Variants in AGBL4 observed in about 807,000 individuals in gnomAD.
AGBL4 encodes AGBL carboxypeptidase 4.
Under a neutral mutation model 66.4 loss-of-function variants are expected in AGBL4, and 58 were observed. That is an observed-to-expected ratio of 0.87 (90% CI 0.71 to 1.09). The LOEUF is 1.09. Ranked by LOEUF, AGBL4 falls within the 50% of genes least tolerant of loss-of-function variation. The pLI, the probability that AGBL4 is intolerant of heterozygous loss-of-function variation, is 0.00. For missense variants in AGBL4, 579 were observed against 631.0 expected (o/e 0.92, Z 0.88); for synonymous variants, 234 against 222.9 (o/e 1.05, Z -0.44).
At chr1:49,398,008 G>A (rs1031299798) in intron 3 of AGBL4, among the ~76,000 whole-genome samples, 5 of 152,292 alleles carry the variant, frequency 3.3e-5, no homozygotes, top group East Asian at 1.9e-4. Flanking sequence ...TCTCATTAAA[G>A]TACTTTGTTT....
At chr1:48,945,834 CTG>C (rs1656455198) in intron 5 of AGBL4, among the ~76,000 whole-genome samples, 1 of 152,148 alleles carries the variant, frequency 6.6e-6, no homozygotes, top group Non-Finnish European at 1.5e-5. Context: ...CATTAATTAG[CTG>C]TGTGATCATG....
chr1:49,735,309 GT>G (rs1558203506), intron 2 of AGBL4, among the ~76,000 whole-genome samples: 4 of 150,574 alleles, frequency 2.7e-5, no homozygotes, highest in African/African-American at 7.3e-5. Context: ...GTGTGTGTGT[GT>G]GTGTGTGTGT....
chr1:48,593,770 TA>T (rs1451992508), intron 9 of AGBL4, among the ~76,000 whole-genome samples: 1 of 151,902 alleles, frequency 6.6e-6, no homozygotes, highest in Non-Finnish European at 1.5e-5. Context: ...AATAAATAAA[TA>T]AAATAAAATA....
intron 2 of AGBL4, among the ~76,000 whole-genome samples, chr1:49,817,033 T>C (rs1361701871): frequency 2.0e-5 from 3 of 152,142 alleles, no homozygotes; most frequent in Non-Finnish European, 4.4e-5. Flanking sequence ...TTAGAGAATC[T>C]CTCCTACCCA....
intron 5 of AGBL4, among the ~76,000 whole-genome samples, chr1:48,986,439 C>T (rs1660181758): frequency 1.3e-5 from 2 of 151,748 alleles, no homozygotes; most frequent in Admixed American, 6.6e-5. Context: ...ATGTTACATA[C>T]CGAGAAACAA....
At chr1:49,576,268 G>A (rs1452783302) in intron 3 of AGBL4, among the ~76,000 whole-genome samples, 1 of 152,150 alleles carries the variant, frequency 6.6e-6, no homozygotes, top group Non-Finnish European at 1.5e-5. Flanking sequence ...GTTTTAAGTG[G>A]GGTCCAGAAC....
In AGBL4 at chr1:49,851,642, C is replaced by A. The variant is rs1385693444; in HGVS notation, c.35-124G>T. 4 of 946,498 alleles carry A rather than the reference C, an allele frequency of 4.2e-6. No individual in the cohort carries two copies. In the East Asian group the frequency reaches 8.3e-5, roughly 20 times the overall value. The allele number at this position is 946,498 out of a possible 1,614,324, so 58.6% of individuals were successfully genotyped here. On this transcript the variant is annotated intron_variant, in intron 1 of 13. Coordinates refer to ENST00000371839, the MANE Select transcript of AGBL4 (RefSeq NM_032785.4). Reference sequence around the variant, plus strand: ...TAACCCAAGCAAAAAGAAGTTAACACCACATTGTGGTACAGTGAAAAAAGG... The same window carrying A: ...TAACCCAAGCAAAAAGAAGTTAACAACACATTGTGGTACAGTGAAAAAAGG...
intron 6 of AGBL4, among the ~76,000 whole-genome samples, chr1:48,739,809 T>A (rs530771039): frequency 6.6e-5 from 10 of 152,380 alleles, no homozygotes; most frequent in Non-Finnish European, 1.3e-4. Context: ...ATAAATGTTT[T>A]CCCTACGTTT....
chr1:49,866,114 G>T (rs1465215744), intron 1 of AGBL4, among the ~76,000 whole-genome samples: 2 of 152,070 alleles, frequency 1.3e-5, no homozygotes, highest in Admixed American at 1.3e-4. Context: ...TTATATAAAA[G>T]GAGCAACTCT....
In AGBL4 at chr1:49,841,432, C is replaced by A. The variant is rs889136612; in HGVS notation, c.157+9964G>T. 5.3e-4 allele frequency among the ~76,000 whole-genome samples: 81 copies of A among 152,072 alleles called. 1 individual carries two copies. Among genetic ancestry groups the A allele is most frequent in the African/African-American group, 1.9e-3 (79 of 41,400 alleles). On this transcript the variant is annotated intron_variant, in intron 2 of 13. Coordinates refer to ENST00000371839, the MANE Select transcript of AGBL4 (RefSeq NM_032785.4). ...TGGCCATACTGTCCAAAACAACTTA[C>A]AAATTCAATGTTATTTCAACCAAAT...
chr1:49,802,775 A>G (rs991699522), intron 2 of AGBL4, among the ~76,000 whole-genome samples: 2 of 152,124 alleles, frequency 1.3e-5, no homozygotes, highest in Admixed American at 6.6e-5. Flanking sequence ...GTGTGTGTCT[A>G]TTATTTCTCA....
intron 3 of AGBL4, among the ~76,000 whole-genome samples, chr1:49,463,943 T>C (rs963467129): frequency 2.0e-5 from 3 of 151,822 alleles, no homozygotes; most frequent in African/African-American, 7.2e-5. Flanking sequence ...GGCTGTGGGT[T>C]GGTCTTATTT....
At chr1:48,844,745 G>T (rs1399951796) in intron 6 of AGBL4, among the ~76,000 whole-genome samples, 2 of 152,046 alleles carry the variant, frequency 1.3e-5, no homozygotes, top group African/African-American at 4.8e-5. Flanking sequence ...CTCCACTATG[G>T]CTTATATATT....
At chr1:49,977,732 T>TCA (rs368147124) in intron 1 of AGBL4, among the ~76,000 whole-genome samples, 31 of 152,218 alleles carry the variant, frequency 2.0e-4, no homozygotes, top group Non-Finnish European at 2.9e-4. Flanking sequence ...CTAATTTTTG[T>TCA]CACACACACA....
At chr1:49,283,637 T>C (rs1644333694) in intron 3 of AGBL4, among the ~76,000 whole-genome samples, 1 of 151,798 alleles carries the variant, frequency 6.6e-6, no homozygotes, top group Non-Finnish European at 1.5e-5. Flanking sequence ...TTTAGAAGAA[T>C]GTATAACTAG....
At chr1:49,808,448 G>A (rs1258858050) in intron 2 of AGBL4, among the ~76,000 whole-genome samples, 1 of 152,134 alleles carries the variant, frequency 6.6e-6, no homozygotes, top group Non-Finnish European at 1.5e-5. Context: ...TAAATGCACA[G>A]AGCTGAATTT....
intron 1 of AGBL4, among the ~76,000 whole-genome samples, chr1:49,895,960 A>G (rs971900633): frequency 6.7e-6 from 1 of 149,570 alleles, no homozygotes; most frequent in Non-Finnish European, 1.5e-5. Context: ...AAAAAAAACG[A>G]GATCCAACTA....
chr1:49,371,248 G>GATAGATAGATAGATAGATACATAC (rs1220363831), intron 3 of AGBL4, among the ~76,000 whole-genome samples: 1 of 137,880 alleles, frequency 7.3e-6, no homozygotes, highest in South Asian at 2.3e-4. Context: ...TAGATAGATA[G>GATAGATAGATAGATAGATACATAC]ATACATACAT....
chr1:49,373,177 C>T (rs570320178), intron 3 of AGBL4, among the ~76,000 whole-genome samples: 33 of 152,302 alleles, frequency 2.2e-4, no homozygotes, highest in African/African-American at 7.7e-4. Flanking sequence ...TCCTGTATAA[C>T]AGTTATTTAG....
Sources: allele counts gnomAD v4.1 joint callset (sites outside exome capture counted in the v4.1 genomes callset), GRCh38; gene constraint gnomAD v4.1.1; transcripts MANE v1.5; gene names NCBI Gene and HGNC (gene_info 2026-07-23, HGNC 2026-07-21).